SPCS2: variants seen among roughly 807,000 people sequenced by gnomAD.
SPCS2 encodes SPase 25 kDa subunit.
In SPCS2, 3 loss-of-function variants were observed where a neutral mutation model predicts 22.3. That is an observed-to-expected ratio of 0.13 (90% CI 0.06 to 0.35). The LOEUF is 0.35. SPCS2 is among the 10% of genes least tolerant of loss of function. SPCS2 has a pLI of 1.00. For synonymous variants in SPCS2, 67 were observed against 97.2 expected, an observed-to-expected ratio of 0.69 and a Z score of 1.83; for missense variants, 169 against 280.9, an observed-to-expected ratio of 0.60 and a Z score of 2.85.
rs374748294 is a variant in SPCS2, at chr11:74,969,551, A to G, written c.360-14A>G. 9.3e-6 allele frequency: 15 copies of G among 1,611,550 alleles called. No homozygotes were observed. The Admixed American group carries it at 1.8e-4, about 20-fold the overall frequency. ...TTTTATGTTTGGGTATTTTCCCCTT[A>G]ACTTTATTTGAACCTATTTTGTGAT... is the stretch of plus-strand genomic sequence containing the variant. On this transcript the variant is annotated splice_polypyrimidine_tract_variant and intron_variant, in intron 3 of 4. Coordinates refer to ENST00000263672, the MANE Select transcript of SPCS2 (RefSeq NM_014752.3).
At chr11:74,950,277 G>A (rs1319846230) in intron 1 of SPCS2, among the ~76,000 whole-genome samples, 1 of 152,098 alleles carries the variant, frequency 6.6e-6, no homozygotes, top group African/African-American at 2.4e-5. Context: ...TCTGCAAAGT[G>A]AGAGATTTAG....
chr11:74,950,814 G>C (rs950288986), intron 1 of SPCS2, among the ~76,000 whole-genome samples: 3 of 152,162 alleles, frequency 2.0e-5, no homozygotes, highest in Non-Finnish European at 4.4e-5. Context: ...CCAAAGTGCT[G>C]GGATTACAGG....
At chr11:74,967,994 A>G (rs929701516) in intron 3 of SPCS2, among the ~76,000 whole-genome samples, 9 of 152,116 alleles carry the variant, frequency 5.9e-5, no homozygotes, top group Admixed American at 2.6e-4. Flanking sequence ...ATCTCATGAT[A>G]ATTCTAAAAC....
At chr11:74,967,298 A>G (rs1339876992) in intron 3 of SPCS2, among the ~76,000 whole-genome samples, 2 of 152,234 alleles carry the variant, frequency 1.3e-5, no homozygotes, top group African/African-American at 4.8e-5. Flanking sequence ...GGGAATTCCA[A>G]AGAGATTTGA....
At chr11:74,961,611 G>A (rs1043906815) in intron 1 of SPCS2, among the ~76,000 whole-genome samples, 3 of 142,354 alleles carry the variant, frequency 2.1e-5, no homozygotes, top group Admixed American at 6.9e-5. Context: ...GCACCATCTC[G>A]GCTCACTGCA....
At chr11:74,969,506 G>T (rs1202900313) in intron 3 of SPCS2, 59 bp from the exon 4 acceptor site, 4 of 1,526,640 alleles carry the variant, frequency 2.6e-6, no homozygotes, top group Non-Finnish European at 3.6e-6. Flanking sequence ...TCTGTTGCTT[G>T]TCAATTTGTG....
rs545646797 is a variant in SPCS2, at chr11:74,977,071, C to G, written c.*28C>G. The G allele has an allele frequency of 2.5e-5, 34 of 1,359,676 alleles. No individual in the cohort carries two copies. In the African/African-American group the frequency reaches 4.3e-4, roughly 17 times the overall value. The allele number at this position is 1,359,676 out of a possible 1,614,324, so 84.2% of individuals were successfully genotyped here. ...AATTCTAAAAGTAGCCCTCTTTCTC[C>G]TGGATCTTGCTGAATTAGTGGCTTG... On this transcript the variant is annotated 3_prime_UTR_variant, in exon 5 of 5. Transcript: ENST00000263672.
intron 1 of SPCS2, chr11:74,963,579 A>G (rs1055855278): frequency 5.3e-5 from 23 of 432,338 alleles, no homozygotes; most frequent in African/African-American, 1.4e-4. Context: ...TTATTTATTT[A>G]TTTATTTATT....
chr11:74,973,814 A>C (rs1948600536), intron 4 of SPCS2, among the ~76,000 whole-genome samples: 1 of 151,492 alleles, frequency 6.6e-6, no homozygotes, highest in Non-Finnish European at 1.5e-5. Context: ...ATCACTACTC[A>C]CCTACTTCCA....
intron 1 of SPCS2, chr11:74,963,608 C>G (rs1186678397): frequency 2.3e-6 from 1 of 440,824 alleles, no homozygotes. Context: ...CAAGCTCTCA[C>G]TATATTGCCC....
rs60855711 is a variant in SPCS2, at chr11:74,955,851, AATATATATAT to A, written c.114+6479_114+6488del. Among the ~76,000 whole-genome samples, 365 of 55,600 alleles carry A rather than the reference AATATATATAT, an allele frequency of 6.6e-3. 18 individuals carry two copies. Among genetic ancestry groups the A allele is most frequent in the East Asian group, 0.044 (52 of 1,176 alleles). The allele number at this position is 55,600 out of a possible 152,430, so 36.5% of individuals were successfully genotyped here. On this transcript the variant is annotated intron_variant, in intron 1 of 4. Transcript: ENST00000263672. ...TACTATTACTTTAATTACTAATTAAAATATATATATATATATATATATATATATATATATA... is the reference window on the plus strand; with the variant it reads ...TACTATTACTTTAATTACTAATTAAAATATATATATATATATATATATATA...
At chr11:74,964,459 C>G (rs762076182) in intron 1 of SPCS2, among the ~76,000 whole-genome samples, 1 of 152,126 alleles carries the variant, frequency 6.6e-6, no homozygotes, top group Non-Finnish European at 1.5e-5. Context: ...ACAGGCTATC[C>G]TGGAATTGCT....
intron 4 of SPCS2, 94 bp downstream of exon 4, chr11:74,969,793 A>C: frequency 7.2e-7 from 1 of 1,398,326 alleles, no homozygotes; most frequent in Non-Finnish European, 1.0e-6. Context: ...TGCCTACTCT[A>C]TGTGGATCAT....
chr11:74,951,569 G>C (rs1042805738), intron 1 of SPCS2, among the ~76,000 whole-genome samples: 5 of 152,054 alleles, frequency 3.3e-5, no homozygotes, highest in East Asian at 1.9e-4. Flanking sequence ...CCAGCACTTT[G>C]AGAGGCCAAG....
intron 1 of SPCS2, among the ~76,000 whole-genome samples, chr11:74,954,716 T>C (rs1948466424): frequency 1.3e-5 from 2 of 152,214 alleles, no homozygotes; most frequent in South Asian, 4.1e-4. Context: ...AAACTCATTA[T>C]TTTTTATTTC....
intron 1 of SPCS2, among the ~76,000 whole-genome samples, chr11:74,957,428 A>T (rs1474070468): frequency 6.6e-6 from 1 of 152,196 alleles, no homozygotes; most frequent in Non-Finnish European, 1.5e-5. Flanking sequence ...CATTTTTCAG[A>T]ACTGATTGCA....
intron 1 of SPCS2, among the ~76,000 whole-genome samples, chr11:74,961,129 CATA>C (rs1487129295): frequency 7.9e-5 from 12 of 151,344 alleles, no homozygotes; most frequent in Non-Finnish European, 1.8e-4. Context: ...GGAGACAATA[CATA>C]CAGTCAGGTA....
Position 74,969,713 on chromosome 11 carries a change from C to T in SPCS2, c.494+14C>T. On this transcript the variant is annotated intron_variant, in intron 4 of 4. Transcript: ENST00000263672. ...CAGTCTTAAAAGGTATGACTATCCTCACAGATTTTTAAATCCTGGTGTTGG... is the reference window on the plus strand; with the variant it reads ...CAGTCTTAAAAGGTATGACTATCCTTACAGATTTTTAAATCCTGGTGTTGG... 1 of 1,613,524 alleles carries T rather than the reference C, an allele frequency of 6.2e-7. No homozygotes were observed. The highest frequency in any genetic ancestry group is 1.1e-5 in the South Asian group (1 of 90,996).
intron 1 of SPCS2, among the ~76,000 whole-genome samples, chr11:74,953,615 G>T (rs140925090): frequency 3.9e-4 from 60 of 152,306 alleles, no homozygotes; most frequent in African/African-American, 1.4e-3. Context: ...TATGCTCCTA[G>T]TTTTCCCTAA....
Sources: allele counts gnomAD v4.1 joint callset (sites outside exome capture counted in the v4.1 genomes callset), GRCh38; gene constraint gnomAD v4.1.1; transcripts MANE v1.5; gene names NCBI Gene and HGNC (gene_info 2026-07-23, HGNC 2026-07-21).